PCSK5: variants seen among roughly 807,000 people sequenced by gnomAD.
PCSK5 encodes proprotein convertase subtilisin/kexin type 5, also known as prohormone convertase 5.
PCSK5 carries 129 observed loss-of-function variants against 233.2 expected under a neutral mutation model. That is an observed-to-expected ratio of 0.55 (90% CI 0.48 to 0.64). PCSK5 has a LOEUF of 0.64. Ranked by LOEUF, PCSK5 falls within the 30% of genes least tolerant of loss-of-function variation. PCSK5 has a pLI of 0.00. For synonymous variants in PCSK5, 825 were observed against 879.2 expected, an observed-to-expected ratio of 0.94 and a Z score of 1.09; for missense variants, 2,076 against 2,430.1, an observed-to-expected ratio of 0.85 and a Z score of 3.06.
chr9:76,353,547 G>A (rs960790026), intron 36 of PCSK5, among the ~76,000 whole-genome samples: 1 of 152,224 alleles, frequency 6.6e-6, no homozygotes, highest in Non-Finnish European at 1.5e-5. Flanking sequence ...ATGTCAAATA[G>A]AAGAGTGGAA....
intron 32 of PCSK5, among the ~76,000 whole-genome samples, chr9:76,325,671 C>A (rs2643306): frequency 0.12 from 18,018 of 150,180 alleles, 1,295 homozygotes; most frequent in African/African-American, 0.18. Flanking sequence ...GTTTTGCTCT[C>A]GTTGCTGCCA....
intron 12 of PCSK5, among the ~76,000 whole-genome samples, chr9:76,166,485 G>A (rs1326016932): frequency 3.3e-5 from 5 of 152,308 alleles, no homozygotes; most frequent in African/African-American, 4.8e-5. Flanking sequence ...GGGAAGAAAC[G>A]TAGGGTCTGC....
chr9:75,889,884 G>A (rs1164512303), upstream of PCSK5, among the ~76,000 whole-genome samples: 1 of 152,158 alleles, frequency 6.6e-6, no homozygotes, highest in Non-Finnish European at 1.5e-5. Context: ...TCATATTAAA[G>A]TCTTTCACTG....
At chr9:75,995,292 C>A (rs768759862) in intron 3 of PCSK5, among the ~76,000 whole-genome samples, 5 of 152,156 alleles carry the variant, frequency 3.3e-5, no homozygotes, top group Non-Finnish European at 5.9e-5. Context: ...TAAAAATCAT[C>A]ATGGAAACCT....
rs185498652 is a variant in PCSK5, at chr9:76,159,673, G to A, written c.1619+502G>A. On this transcript the variant is annotated intron_variant, in intron 12 of 37. Coordinates refer to ENST00000674117, the MANE Select transcript of PCSK5 (RefSeq NM_001372043.1). ...TCCCAACTACTCAACTCTGCCATTC[G>A]AGTACAGAAGCCACCTAGACAATAT... Among the ~76,000 whole-genome samples, 1,055 of 152,214 alleles carry A rather than the reference G, an allele frequency of 6.9e-3. 18 individuals carry two copies. Among genetic ancestry groups the A allele is most frequent in the African/African-American group, 0.023 (940 of 41,520 alleles).
At chr9:76,137,141 G>A (rs1017443425) in intron 10 of PCSK5, among the ~76,000 whole-genome samples, 17 of 152,188 alleles carry the variant, frequency 1.1e-4, no homozygotes, top group South Asian at 6.2e-4. Context: ...AGGGTTTCTC[G>A]TCCTGAAGCA....
intron 20 of PCSK5, among the ~76,000 whole-genome samples, chr9:76,192,013 A>C (rs1824408962): frequency 7.5e-6 from 1 of 133,236 alleles, no homozygotes; most frequent in Non-Finnish European, 1.5e-5. Context: ...CTGGAGGTGG[A>C]GGTTGCAGAG....
At chr9:76,318,083 G>C (rs1829082030) in intron 30 of PCSK5, among the ~76,000 whole-genome samples, 3 of 152,118 alleles carry the variant, frequency 2.0e-5, no homozygotes, top group South Asian at 2.1e-4. Context: ...GCCGGCTTAT[G>C]GTTCTTCCTC....
At chr9:75,971,524 G>A (rs1398966163) in intron 2 of PCSK5, among the ~76,000 whole-genome samples, 1 of 152,130 alleles carries the variant, frequency 6.6e-6, no homozygotes, top group Non-Finnish European at 1.5e-5. Flanking sequence ...CTTCCACAAT[G>A]GTTGAACTAA....
intron 30 of PCSK5, among the ~76,000 whole-genome samples, chr9:76,317,364 G>C (rs547101038): frequency 6.6e-6 from 1 of 152,240 alleles, no homozygotes; most frequent in East Asian, 1.9e-4. Context: ...CCCTGTCTCA[G>C]ACAAAACAAA....
chr9:76,110,622 G>A (rs55986604), intron 9 of PCSK5, among the ~76,000 whole-genome samples: 18,990 of 152,084 alleles, frequency 0.12, 1,230 homozygotes, highest in Middle Eastern at 0.18. Flanking sequence ...CTTGAGCCCA[G>A]GAGTTCAAGG....
chr9:76,335,043 A>G (rs753850669), intron 34 of PCSK5, among the ~76,000 whole-genome samples: 20 of 152,198 alleles, frequency 1.3e-4, no homozygotes, highest in Non-Finnish European at 2.9e-4. Flanking sequence ...GCACCACTGC[A>G]CTCCAGCCTG....
chr9:75,958,438 T>TA (rs1825191444), intron 2 of PCSK5, among the ~76,000 whole-genome samples: 1 of 152,148 alleles, frequency 6.6e-6, no homozygotes, highest in Non-Finnish European at 1.5e-5. Flanking sequence ...AACCTGACTA[T>TA]AAAAAACAGA....
At chr9:75,937,210 G>A (rs920280285) in intron 2 of PCSK5, among the ~76,000 whole-genome samples, 6 of 138,346 alleles carry the variant, frequency 4.3e-5, no homozygotes, top group Admixed American at 2.5e-4. Flanking sequence ...AAAGAGTCTC[G>A]CTCTGTCACC....
chr9:76,265,139 G>T (rs543586186), intron 24 of PCSK5, among the ~76,000 whole-genome samples: 10 of 152,160 alleles, frequency 6.6e-5, no homozygotes, highest in African/African-American at 2.4e-4. Context: ...ATTATCCTAA[G>T]CAAATTAACA....
At chr9:75,984,504 T>C (rs561976990) in intron 2 of PCSK5, among the ~76,000 whole-genome samples, 1 of 152,322 alleles carries the variant, frequency 6.6e-6, no homozygotes, top group East Asian at 1.9e-4. Flanking sequence ...CATGCAAATA[T>C]GAACTAGTTA....
chr9:76,114,260 A>T (rs1571790), intron 9 of PCSK5, among the ~76,000 whole-genome samples: 91,081 of 152,008 alleles, frequency 0.6, 27,449 homozygotes, highest in Admixed American at 0.62. Context: ...CAGAGAAGGG[A>T]TGTACTGTCC....
At chr9:76,020,849 C>T (rs1828154681) in intron 3 of PCSK5, among the ~76,000 whole-genome samples, 1 of 152,194 alleles carries the variant, frequency 6.6e-6, no homozygotes, top group Admixed American at 6.5e-5. Context: ...TCCGGCCCAC[C>T]TCTTGGCCAC....
At chr9:76,185,233 A>G (rs1455941903) in intron 17 of PCSK5, among the ~76,000 whole-genome samples, 11 of 152,210 alleles carry the variant, frequency 7.2e-5, no homozygotes, top group Non-Finnish European at 1.6e-4. Context: ...TGGTATGCAC[A>G]TAGATTTAAC....
Sources: allele counts gnomAD v4.1 joint callset (sites outside exome capture counted in the v4.1 genomes callset), GRCh38; gene constraint gnomAD v4.1.1; transcripts MANE v1.5; gene names NCBI Gene and HGNC (gene_info 2026-07-23, HGNC 2026-07-21).